Variants in IGFBP2 observed in about 807,000 individuals in gnomAD.
IGFBP2 encodes insulin like growth factor binding protein 2, also known as insulin-like growth factor-binding protein 2.
A neutral mutation model predicts 26.2 loss-of-function variants in IGFBP2; 12 were observed. The observed-to-expected ratio is 0.46, with a 90% CI of 0.29 to 0.74. The LOEUF (loss-of-function observed/expected upper bound fraction) is 0.74, where lower values mean the gene tolerates loss of function less well. Among genes scored for constraint, IGFBP2 ranks in the 30% least tolerant of loss-of-function variants. IGFBP2 has a pLI of 0.09. For synonymous variants in IGFBP2, 189 were observed against 200.6 expected, an observed-to-expected ratio of 0.94 and a Z score of 0.49; for missense variants, 328 against 441.2, an observed-to-expected ratio of 0.74 and a Z score of 2.30.
intron 1 of IGFBP2, among the ~76,000 whole-genome samples, chr2:216,657,099 A>G (rs75658210): frequency 1.2e-4 from 18 of 152,254 alleles, no homozygotes; most frequent in African/African-American, 4.3e-4. Context: ...GAGGGAGTCA[A>G]AGGGCTCTTC....
At chr2:216,656,920 G>A (rs896958791) in intron 1 of IGFBP2, among the ~76,000 whole-genome samples, 1 of 152,168 alleles carries the variant, frequency 6.6e-6, no homozygotes, top group African/African-American at 2.4e-5. Flanking sequence ...AGCAGAATGC[G>A]GTGTCGAGGT....
chr2:216,650,048 C>T (rs9341156), intron 1 of IGFBP2, among the ~76,000 whole-genome samples: 3,809 of 152,288 alleles, frequency 0.025, 63 homozygotes, highest in Non-Finnish European at 0.041. Context: ...GCATTGTTCT[C>T]GCCTCACCAG....
intron 2 of IGFBP2, chr2:216,661,328 T>G (rs1688640151): frequency 3.6e-6 from 1 of 275,944 alleles, no homozygotes; most frequent in Non-Finnish European, 7.0e-6. Context: ...GGTCTCAAAC[T>G]CCTGGACTCA....
rs550282744 is a variant in IGFBP2, at chr2:216,658,523, G to A, written c.443-2034G>A. On this transcript the variant is annotated intron_variant, in intron 1 of 3. Transcript: ENST00000233809. The stretch of plus-strand genomic sequence containing the variant: ...ATATAGAATTTCTGTGCTCCAGGTC[G>A]TCTTTTATTTATTTATTTATTTATT... Among the ~76,000 whole-genome samples, 25 of 131,294 alleles carry A rather than the reference G, an allele frequency of 1.9e-4. No individual in the cohort carries two copies. In the South Asian group the frequency reaches 4.1e-3, roughly 21 times the overall value. The allele number at this position is 131,294 out of a possible 152,430, so 86.1% of individuals were successfully genotyped here. A position where few individuals can be genotyped will look rare whatever the true frequency, so the allele number is the denominator to read the frequency against.
intron 1 of IGFBP2, among the ~76,000 whole-genome samples, chr2:216,642,062 C>T (rs1283067405): frequency 1.3e-5 from 2 of 149,378 alleles, no homozygotes; most frequent in Non-Finnish European, 3.0e-5. Flanking sequence ...TTCAGTGGCA[C>T]GATCTCGGCT....
Position 216,660,542 on chromosome 2 carries a change from T to C in IGFBP2, c.443-15T>C. On this transcript the variant is annotated splice_polypyrimidine_tract_variant and intron_variant, in intron 1 of 3. Transcript: ENST00000233809. Reference sequence around the variant, plus strand: ...AACTGGACCTGGAGCTTTTCTTCCCTTCCTCTCTTGGCAGACAATGGCGAT... The same window carrying C: ...AACTGGACCTGGAGCTTTTCTTCCCCTCCTCTCTTGGCAGACAATGGCGAT... The C allele has an allele frequency of 6.4e-7, 1 of 1,574,666 alleles. No individual in the cohort carries two copies. Among genetic ancestry groups the C allele is most frequent in the South Asian group, 1.2e-5 (1 of 84,830 alleles).
intron 3 of IGFBP2, chr2:216,662,455 T>C: frequency 5.9e-6 from 1 of 168,748 alleles, no homozygotes; most frequent in South Asian, 1.6e-4. Flanking sequence ...ACTGGCCGAG[T>C]TGTCTTCATG....
chr2:216,661,531 G>A (rs1688647150), intron 2 of IGFBP2: 1 of 418,916 alleles, frequency 2.4e-6, no homozygotes, highest in African/African-American at 2.0e-5. Context: ...TTGGGCATGG[G>A]GTGGGGGCAT....
At chr2:216,635,407 G>A (rs547379615) in intron 1 of IGFBP2, among the ~76,000 whole-genome samples, 1 of 152,106 alleles carries the variant, frequency 6.6e-6, no homozygotes, top group Non-Finnish European at 1.5e-5. Flanking sequence ...CGGGGTGCCT[G>A]TCCCCCAGTC....
At chr2:216,636,401 C>T (rs958007060) in intron 1 of IGFBP2, among the ~76,000 whole-genome samples, 1 of 151,916 alleles carries the variant, frequency 6.6e-6, no homozygotes, top group Non-Finnish European at 1.5e-5. Flanking sequence ...GTCTTTGTTC[C>T]CGGGACTCAG....
At chr2:216,638,275 T>C (rs1574553297) in intron 1 of IGFBP2, among the ~76,000 whole-genome samples, 1 of 151,610 alleles carries the variant, frequency 6.6e-6, no homozygotes, top group African/African-American at 2.4e-5. Flanking sequence ...GAGGCTGAGG[T>C]GGGCAGATCA....
chr2:216,658,411 G>A (rs1294796422), intron 1 of IGFBP2, among the ~76,000 whole-genome samples: 2 of 152,078 alleles, frequency 1.3e-5, no homozygotes, highest in African/African-American at 2.4e-5. Flanking sequence ...CCCTGTTCTC[G>A]GTTGGGTTCC....
intron 1 of IGFBP2, among the ~76,000 whole-genome samples, chr2:216,640,050 C>G (rs529147753): frequency 1.7e-3 from 265 of 152,228 alleles, no homozygotes; most frequent in African/African-American, 6.2e-3. Context: ...CCATGCTGTC[C>G]TCTTTGTCCC....
intron 1 of IGFBP2, among the ~76,000 whole-genome samples, chr2:216,641,851 G>T (rs1296090107): frequency 6.7e-6 from 1 of 149,920 alleles, no homozygotes; most frequent in African/African-American, 2.5e-5. Context: ...CACCACGCCC[G>T]GCTAATTTTT....
rs145598325 is a variant in IGFBP2 at position 216,662,037 on chromosome 2, T to G, written c.813+39T>G. Reference sequence around the variant, plus strand: ...CAGCCTGGGCCAGAGCAGCTCCTCCTCAGCCCTGGGCCCCAGATGTGCCTT... The same window carrying G: ...CAGCCTGGGCCAGAGCAGCTCCTCCGCAGCCCTGGGCCCCAGATGTGCCTT... On this transcript the variant is annotated intron_variant, in intron 3 of 3. Coordinates refer to ENST00000233809, the MANE Select transcript of IGFBP2 (RefSeq NM_000597.3). The G allele has an allele frequency of 8.6e-3, 13,854 of 1,608,742 alleles. 83 individuals carry two copies. Among genetic ancestry groups the G allele is most frequent in the Non-Finnish European group, 0.01 (12,155 of 1,176,816 alleles).
At chr2:216,634,357 G>C (rs747996362) in intron 1 of IGFBP2, among the ~76,000 whole-genome samples, 2 of 152,102 alleles carry the variant, frequency 1.3e-5, no homozygotes, top group Non-Finnish European at 2.9e-5. Context: ...GTCCTGGTGG[G>C]ATCGCTGCTG....
At chr2:216,650,086 G>C (rs1329270428) in intron 1 of IGFBP2, among the ~76,000 whole-genome samples, 6 of 152,236 alleles carry the variant, frequency 3.9e-5, no homozygotes, top group Non-Finnish European at 5.9e-5. Context: ...AGACAGAACA[G>C]AGAGAATCAC....
chr2:216,658,376 G>A (rs1417531592), intron 1 of IGFBP2, among the ~76,000 whole-genome samples: 2 of 151,982 alleles, frequency 1.3e-5, no homozygotes, highest in Non-Finnish European at 2.9e-5. Flanking sequence ...CTATTAGGAT[G>A]TTCAGAGCTT....
At chr2:216,660,015 C>T (rs1034303716) in intron 1 of IGFBP2, among the ~76,000 whole-genome samples, 2 of 151,792 alleles carry the variant, frequency 1.3e-5, no homozygotes, top group South Asian at 2.1e-4. Flanking sequence ...TGCTGCAGCC[C>T]GGTGATGTCT....
Sources: gnomAD v4.1 joint callset for allele counts (sites outside exome capture counted in the v4.1 genomes callset) on GRCh38, gnomAD v4.1.1 for gene constraint, MANE v1.5 for transcripts, NCBI Gene and HGNC (gene_info 2026-07-23, HGNC 2026-07-21) for gene names.